The following SCAF1 variants were observed in gnomAD, a reference collection of about 807,000 sequenced individuals.
SCAF1 encodes the protein splicing factor, arginine/serine-rich 19.
A neutral mutation model predicts 91.2 loss-of-function variants in SCAF1; 28 were observed. The observed-to-expected ratio is 0.31, with a 90% CI of 0.23 to 0.42. The LOEUF (loss-of-function observed/expected upper bound fraction) is 0.42, where lower values mean the gene tolerates loss of function less well. Ranked by LOEUF, SCAF1 falls within the 10% of genes least tolerant of loss-of-function variation. The pLI is 1.00. For synonymous variants in SCAF1, 1,036 were observed against 833.7 expected (o/e 1.24, Z -4.18); for missense variants, 1,893 against 1,872.1 (o/e 1.01, Z -0.21).
rs763521145 is a variant in SCAF1 at position 49,651,425 on chromosome 19, G to A, written c.1036G>A (p.Gly346Arg). 2.5e-6 allele frequency: 4 copies of A among 1,604,104 alleles called. No homozygotes were observed. The highest frequency in any genetic ancestry group is 3.4e-6 in the Non-Finnish European group (4 of 1,176,276). Residue 346 changes from glycine to arginine, a missense_variant, in exon 7 of 11, where the codon GGA (glycine) becomes AGA (arginine). Gly to Arg is a moderately radical substitution (Grantham distance 125). Around this residue, in one of 5 missense-constraint regions of SCAF1, gnomAD observed 1,436 missense variants for 1,306.8 expected, o/e 1.10. Coordinates refer to ENST00000360565, the MANE Select transcript of SCAF1 (RefSeq NM_021228.3). ...CCAGGTGGACTCCACCCGGGCTGATGGAGCCATGCGCCGGCGGGTCTTCGT... is the reference window on the plus strand; with the variant it reads ...CCAGGTGGACTCCACCCGGGCTGATAGAGCCATGCGCCGGCGGGTCTTCGT... ...PPQVDSTRADGAMRRRVFVVG... is the reference protein window; with the variant it reads ...PPQVDSTRADRAMRRRVFVVG...
At chr19:49,649,065 G>T (rs982852475) in intron 6 of SCAF1, among the ~76,000 whole-genome samples, 5 of 152,090 alleles carry the variant, frequency 3.3e-5, no homozygotes, top group African/African-American at 1.2e-4. Flanking sequence ...AAAACAGGTG[G>T]TATGCTGGAT....
At position 49,651,535 on chromosome 19, in the gene SCAF1, C is replaced by G. The variant is rs371485479; in HGVS notation, c.1146C>G (p.Pro382=). 1.9e-3 allele frequency: 3,032 copies of G among 1,564,280 alleles called. 8 individuals are homozygous for G. The highest frequency in any genetic ancestry group is 2.4e-3 in the Non-Finnish European group (2,754 of 1,156,300). The part of the protein sequence containing the change: ...VTAGGAALPP[P]LLPPGDSEIE... ...CTGGTGGAGCCGCCCTCCCGCCGCC[C>G]CTGCTGCCGCCCGGCGACTCGGAGA... Residue 382 remains proline, a synonymous_variant, in exon 7 of 11, where the codon CCC becomes CCG. Transcript: ENST00000360565.
upstream of SCAF1, among the ~76,000 whole-genome samples, chr19:49,640,499 G>A (rs1311857009): frequency 6.6e-6 from 1 of 152,184 alleles, no homozygotes; most frequent in Non-Finnish European, 1.5e-5. Flanking sequence ...CTGCTGCTTG[G>A]GGCATCGTCT....
At position 49,642,414 on chromosome 19, in the gene SCAF1, G is replaced by T. The variant is rs1215325319; in HGVS notation, c.-7+172G>T. 6.6e-6 allele frequency among the ~76,000 whole-genome samples: 1 copy of T among 152,198 alleles called. No individual in the cohort carries two copies. Among genetic ancestry groups the T allele is most frequent in the East Asian group, 1.9e-4 (1 of 5,182 alleles). ...CGGCGAAACCTGGCGCCGAGAGGGG[G>T]GCCTTCTCAGGGCCCCGGGACGCAT... On this transcript the variant is annotated intron_variant, in intron 1 of 10. Transcript: ENST00000360565. This position sits in a 1 kb window ranked among gnomAD's most constrained non-coding sequence, Gnocchi z 4.0.
In SCAF1 at chr19:49,653,167, G is replaced by A; in HGVS notation, c.2778G>A (p.Lys926=). The A allele has an allele frequency of 2.5e-6, 4 of 1,594,912 alleles. No homozygotes were observed. Among genetic ancestry groups the A allele is most frequent in the East Asian group, 2.3e-5 (1 of 44,442 alleles). ...CCAAGCCATCCAAGACCAGGAAAAA[G>A]GTCCGCAGTGGAGGTGGCAGCGGGG... The part of the protein sequence containing the change: ...GKTKPSKTRK[K]VRSGGGSGGS... Residue 926 remains lysine (K), a synonymous_variant, in exon 7 of 11, where the codon AAG becomes AAA. Transcript: ENST00000360565.
chr19:49,641,560 G>A (rs927838430), upstream of SCAF1, among the ~76,000 whole-genome samples: 19 of 152,238 alleles, frequency 1.2e-4, no homozygotes, highest in African/African-American at 3.9e-4. Context: ...CAGATGATCC[G>A]CCTGCTTCGG....
At chr19:49,656,189 C>T (rs977536551) in intron 9 of SCAF1, among the ~76,000 whole-genome samples, 1 of 152,188 alleles carries the variant, frequency 6.6e-6, no homozygotes, top group Non-Finnish European at 1.5e-5. Context: ...TACAGTGGCC[C>T]TTGCTCTGCC....
Position 49,653,613 on chromosome 19 carries a change from C to T in SCAF1, c.3224C>T (p.Ala1075Val). 6.3e-7 allele frequency: 1 copy of T among 1,585,284 alleles called. No homozygotes were observed. Among genetic ancestry groups the T allele is most frequent in the Non-Finnish European group, 8.5e-7 (1 of 1,171,042 alleles). ...GACTCGGGGGCGGAGGACGGGCCAG[C>T]TTCCCGTGTCTCCCAGCTGCCCACG... ...AGDSGAEDGP[A>V]SRVSQLPTLP... Residue 1075 changes from alanine (A) to valine (V), a missense_variant, in exon 7 of 11, where the codon GCT (alanine) becomes GTT (valine). Coordinates refer to ENST00000360565, the MANE Select transcript of SCAF1 (RefSeq NM_021228.3).
chr19:49,651,937 C>G lies in SCAF1; in HGVS notation c.1548C>G (p.Arg516=). 8.4e-7 allele frequency: 1 copy of G among 1,187,636 alleles called. No individual in the cohort carries two copies. The allele number at this position is 1,187,636 out of a possible 1,614,324, so 73.6% of individuals were successfully genotyped here. A position where few individuals can be genotyped will look rare whatever the true frequency, so the allele number is the denominator to read the frequency against. The change falls in exon 7 of 11, where the codon CGC becomes CGG. Residue 516 remains arginine, a synonymous_variant. Transcript: ENST00000360565. The part of the protein sequence containing the change: ...APAAAAGPPT[R]KKSRRERKRS... ...CCGCCGCTGCTGGTCCGCCCACGCG[C>G]AAGAAGTCCAGGCGGGAACGCAAGC...
intron 9 of SCAF1, among the ~76,000 whole-genome samples, chr19:49,656,635 G>A (rs190238220): frequency 3.2e-4 from 48 of 152,276 alleles, no homozygotes; most frequent in African/African-American, 8.9e-4. Flanking sequence ...CCGAGCCTGC[G>A]GCTGCGGGAT....
In SCAF1 at chr19:49,653,550, C is replaced by T; in HGVS notation, c.3161C>T (p.Ala1054Val). Reference sequence around the variant, plus strand: ...ACGGCCACCAGCACTGCTGCAGCCGCCCCAAGCACTGCCCCCAGCGCGGGG... The same window carrying T: ...ACGGCCACCAGCACTGCTGCAGCCGTCCCAAGCACTGCCCCCAGCGCGGGG... Reference protein sequence around the residue: ...TTTATSTAAAAPSTAPSAGST... With the variant: ...TTTATSTAAAVPSTAPSAGST... The change falls in exon 7 of 11, where the codon GCC (alanine) becomes GTC (valine). Residue 1054 changes from alanine to valine, a missense_variant. Ala to Val is a moderately conservative substitution (Grantham distance 64). This residue lies in a region of SCAF1 where 1,436 missense variants were observed against 1,306.8 expected (regional missense o/e 1.10). Coordinates refer to ENST00000360565, the MANE Select transcript of SCAF1 (RefSeq NM_021228.3). 2 of 1,584,190 alleles carry T rather than the reference C, an allele frequency of 1.3e-6. No homozygotes were observed. The highest frequency in any genetic ancestry group is 1.7e-6 in the Non-Finnish European group (2 of 1,169,432).
At chr19:49,644,617 C>T (rs1485095587) in intron 1 of SCAF1, among the ~76,000 whole-genome samples, 1 of 152,028 alleles carries the variant, frequency 6.6e-6, no homozygotes, top group Non-Finnish European at 1.5e-5. Context: ...TGGAACACAC[C>T]CTTTGAAATC....
chr19:49,650,843 C>CCT, intron 6 of SCAF1, 25 bp from the exon 7 acceptor site: 1 of 1,583,184 alleles, frequency 6.3e-7, no homozygotes, highest in Non-Finnish European at 8.6e-7. Context: ...GCCCTGACCG[C>CCT]CTCTCTCTCC....
Position 49,652,728 on chromosome 19 carries a change from G to A in SCAF1, c.2339G>A (p.Arg780Gln), listed in dbSNP as rs1165482554. 1.2e-6 allele frequency: 2 copies of A among 1,600,404 alleles called. No homozygotes were observed. Among genetic ancestry groups the A allele is most frequent in the Admixed American group, 1.7e-5 (1 of 57,776 alleles). ...RKALDGGDRDRDRDRDRDRDR... is the reference protein window; with the variant it reads ...RKALDGGDRDQDRDRDRDRDR... ...GCGCTGGACGGGGGTGACCGGGATCGGGACAGGGACAGAGATAGGGACAGG... is the reference window on the plus strand; with the variant it reads ...GCGCTGGACGGGGGTGACCGGGATCAGGACAGGGACAGAGATAGGGACAGG... Residue 780 changes from arginine to glutamine, a missense_variant, in exon 7 of 11, where the codon CGG (arginine) becomes CAG (glutamine). Arg to Gln is a conservative substitution (Grantham distance 43). Around this residue, in one of 5 missense-constraint regions of SCAF1, gnomAD observed 1,436 missense variants for 1,306.8 expected, o/e 1.10. Transcript: ENST00000360565.
At chr19:49,643,438 T>A (rs891059938) in intron 1 of SCAF1, among the ~76,000 whole-genome samples, 1 of 152,254 alleles carries the variant, frequency 6.6e-6, no homozygotes. Flanking sequence ...TTTGTTCTAT[T>A]TACTTTTTAA....
chr19:49,650,853 C>T lies in SCAF1; in HGVS notation c.479-15C>T. ...CAAAGGCCCTGACCGCCTCTCTCTCCCTGTTCCTTTGCAGTTTCTCCACAG... is the reference window on the plus strand; with the variant it reads ...CAAAGGCCCTGACCGCCTCTCTCTCTCTGTTCCTTTGCAGTTTCTCCACAG... On this transcript the variant is annotated splice_polypyrimidine_tract_variant and intron_variant, in intron 6 of 10. Coordinates refer to ENST00000360565, the MANE Select transcript of SCAF1 (RefSeq NM_021228.3). 1.9e-6 allele frequency: 3 copies of T among 1,601,336 alleles called. No individual in the cohort carries two copies. Among genetic ancestry groups the T allele is most frequent in the Non-Finnish European group, 2.6e-6 (3 of 1,172,898 alleles).
chr19:49,646,464 A>G lies in SCAF1; in HGVS notation c.262-62A>G. ...TTCCTGAGAGGTTAGGGAGTGGGGA[A>G]GCAGGATTTGCCAGTCTTCATGTGA... On this transcript the variant is annotated intron_variant, in intron 4 of 10. Transcript: ENST00000360565. This position sits in a 1 kb window ranked among gnomAD's most constrained non-coding sequence, Gnocchi z 5.6. The G allele has an allele frequency of 2.8e-6, 4 of 1,427,514 alleles. No homozygotes were observed. Among genetic ancestry groups the G allele is most frequent in the Non-Finnish European group, 3.9e-6 (4 of 1,012,852 alleles). 88.4% of individuals were successfully genotyped at this position (1,427,514 alleles called of 1,614,324 possible).
chr19:49,645,002 C>CT lies in SCAF1; in HGVS notation c.-6-18dup, dbSNP rs779181495. On this transcript the variant is annotated intron_variant, in intron 1 of 10. Coordinates refer to ENST00000360565, the MANE Select transcript of SCAF1 (RefSeq NM_021228.3). The surrounding 1 kb of genome is among the most constrained non-coding windows in gnomAD (Gnocchi z 4.6). ...TCTCCCGGGACCTCCACTCCAAACT[C>CT]TCCCCCCTGGACCCCCAGGTGACCA... 6.3e-6 allele frequency: 10 copies of CT among 1,590,462 alleles called. No individual in the cohort carries two copies. The Admixed American group carries it at 1.7e-4, about 27-fold the overall frequency.
chr19:49,658,478 C>T lies in SCAF1; in HGVS notation c.*79C>T. ...TGGCTCCACCTCCCCACCTCCCTCC[C>T]CCGTCAGTGGGATGACTGGGGGAGG... is the stretch of plus-strand genomic sequence containing the variant. On this transcript the variant is annotated 3_prime_UTR_variant, in exon 11 of 11. Transcript: ENST00000360565. 1.3e-6 allele frequency: 1 copy of T among 780,194 alleles called. No homozygotes were observed. Among genetic ancestry groups the T allele is most frequent in the Admixed American group, 2.7e-5 (1 of 37,126 alleles). The allele number at this position is 780,194 out of a possible 1,614,324, so 48.3% of individuals were successfully genotyped here.
Sources: gnomAD v4.1 joint callset for allele counts (sites outside exome capture counted in the v4.1 genomes callset) on GRCh38, gnomAD v4.1.1 for gene constraint, gnomAD v4.1.1 regional missense constraint, Gnocchi (gnomAD v3.1) non-coding constraint, MANE v1.5 for transcripts, NCBI Gene and HGNC (gene_info 2026-07-23, HGNC 2026-07-21) for gene names.